Variants in LAT2 observed in about 807,000 individuals in gnomAD.
LAT2 encodes linker for activation of T cells family member 2, also known as linker for activation of T-cells family member 2.
Under a neutral mutation model 43.4 loss-of-function variants are expected in LAT2, and 23 were observed. The observed-to-expected ratio is 0.53, with a 90% CI of 0.38 to 0.75. The LOEUF (loss-of-function observed/expected upper bound fraction) is 0.75. LAT2 is among the 30% of genes least tolerant of loss of function. LAT2 has a pLI of 0.00. For synonymous variants in LAT2, 128 were observed against 123.2 expected (o/e 1.04, Z -0.26); for missense variants, 284 against 310.2 (o/e 0.92, Z 0.64).
At chr7:74,219,502 C>T (rs1415679956) in intron 4 of LAT2, among the ~76,000 whole-genome samples, 4 of 152,224 alleles carry the variant, frequency 2.6e-5, no homozygotes, top group South Asian at 2.1e-4. Context: ...GGCTGAGAGC[C>T]GGGCTCCAGC....
intron 3 of LAT2, among the ~76,000 whole-genome samples, 183 bp downstream of exon 3, chr7:74,216,252 G>C (rs782106688): frequency 1.2e-4 from 18 of 152,206 alleles, no homozygotes; most frequent in Non-Finnish European, 1.9e-4. Flanking sequence ...CTTTGGCTTT[G>C]CTGGGTCAAC....
At chr7:74,224,935 C>T in intron 13 of LAT2, 175 bp downstream of exon 13, 2 of 521,030 alleles carry the variant, frequency 3.8e-6, no homozygotes, top group South Asian at 2.2e-5. Flanking sequence ...TTCCTCTGTT[C>T]TGGCCAGGGG....
rs782591987 is a variant in LAT2 at position 74,220,570 on chromosome 7, G to T, written c.266-14G>T. The T allele has an allele frequency of 6.2e-7, 1 of 1,613,880 alleles. No homozygotes were observed. Among genetic ancestry groups the T allele is most frequent in the African/African-American group, 1.3e-5 (1 of 74,934 alleles). ...GGCCAGGGGAGAAAGCAATTAGCTG[G>T]GTCTTTCTTCCAGATCCAGCATCTT... On this transcript the variant is annotated splice_polypyrimidine_tract_variant and intron_variant, in intron 7 of 13. Coordinates refer to ENST00000460943, the MANE Select transcript of LAT2 (RefSeq NM_032464.3). This position sits in a 1 kb window ranked among gnomAD's most constrained non-coding sequence, Gnocchi z 4.5.
chr7:74,226,012 T>G (rs928369978), intron 13 of LAT2: 1 of 152,216 alleles, frequency 6.6e-6, no homozygotes, highest in African/African-American at 2.4e-5. Context: ...AGAAAACAGA[T>G]AGGGCTGGAC....
Position 74,221,533 on chromosome 7 carries a change from G to A in LAT2, c.333-104G>A, listed in dbSNP as rs965110736. 23 of 734,812 alleles carry A rather than the reference G, an allele frequency of 3.1e-5. No individual in the cohort carries two copies. In the African/African-American group the frequency reaches 3.3e-4, roughly 10 times the overall value. 45.5% of individuals were successfully genotyped at this position (734,812 alleles called of 1,614,324 possible). On this transcript the variant is annotated intron_variant, in intron 9 of 13. Coordinates refer to ENST00000460943, the MANE Select transcript of LAT2 (RefSeq NM_032464.3). ...GGCAGACCCCCATGGCCCCCAAGAGGAGCAATGGTGGGAGCAGCCCTGGCC... is the reference window on the plus strand; with the variant it reads ...GGCAGACCCCCATGGCCCCCAAGAGAAGCAATGGTGGGAGCAGCCCTGGCC...
At position 74,220,339 on chromosome 7, in the gene LAT2, C is replaced by A; in HGVS notation, c.265+85C>A. Reference sequence around the variant, plus strand: ...AAAACCCCATGGGACAGGCGTCGTGCAGTGGGGGCTGCGGGGCCAGGCGAG... The same window carrying A: ...AAAACCCCATGGGACAGGCGTCGTGAAGTGGGGGCTGCGGGGCCAGGCGAG... On this transcript the variant is annotated intron_variant, in intron 7 of 13. Coordinates refer to ENST00000460943, the MANE Select transcript of LAT2 (RefSeq NM_032464.3). This position sits in a 1 kb window ranked among gnomAD's most constrained non-coding sequence, Gnocchi z 4.5. The A allele has an allele frequency of 6.8e-7, 1 of 1,473,448 alleles. No homozygotes were observed. Among genetic ancestry groups the A allele is most frequent in the Non-Finnish European group, 9.3e-7 (1 of 1,070,326 alleles). 91.3% of individuals were successfully genotyped at this position (1,473,448 alleles called of 1,614,324 possible). A position where few individuals can be genotyped will look rare whatever the true frequency, so the allele number is the denominator to read the frequency against.
At chr7:74,219,926 G>A in intron 5 of LAT2, 34 bp from the exon 6 acceptor site, 3 of 1,612,306 alleles carry the variant, frequency 1.9e-6, no homozygotes, top group East Asian at 2.2e-5. Flanking sequence ...CTAGCTGGGG[G>A]CCCAGCCAAC....
chr7:74,222,400 CAAA>C (rs782642560), intron 10 of LAT2, among the ~76,000 whole-genome samples: 1 of 129,926 alleles, frequency 7.7e-6, no homozygotes. Flanking sequence ...GACTCCATCT[CAAA>C]AAAAAAAAAA....
chr7:74,211,897 C>T (rs1459541936), intron 1 of LAT2, among the ~76,000 whole-genome samples: 1 of 152,018 alleles, frequency 6.6e-6, no homozygotes, highest in Non-Finnish European at 1.5e-5. Flanking sequence ...CGGCCAACAG[C>T]GCAGGATGTA....
Position 74,220,926 on chromosome 7 carries a change from T to C in LAT2, c.332+192T>C, listed in dbSNP as rs1430769741. Reference sequence around the variant, plus strand: ...CTGGCAGGCAGGCATTGGGCGACACTGTTGTCTCTTAGGTAACCCTGGGTT... The same window carrying C: ...CTGGCAGGCAGGCATTGGGCGACACCGTTGTCTCTTAGGTAACCCTGGGTT... On this transcript the variant is annotated intron_variant, in intron 9 of 13. Coordinates refer to ENST00000460943, the MANE Select transcript of LAT2 (RefSeq NM_032464.3). The surrounding 1 kb of genome is among the most constrained non-coding windows in gnomAD (Gnocchi z 4.5). Among the ~76,000 whole-genome samples the C allele has an allele frequency of 6.6e-6, 1 of 152,126 alleles. No homozygotes were observed. Among genetic ancestry groups the C allele is most frequent in the Non-Finnish European group, 1.5e-5 (1 of 68,016 alleles).
intron 1 of LAT2, among the ~76,000 whole-genome samples, chr7:74,210,839 C>A (rs1801707355): frequency 1.3e-5 from 2 of 152,012 alleles, no homozygotes; most frequent in African/African-American, 4.8e-5. Context: ...AACCAACAGA[C>A]CCCAGAGCAG....
chr7:74,213,705 G>C (rs1198263928), intron 1 of LAT2, among the ~76,000 whole-genome samples: 2 of 152,176 alleles, frequency 1.3e-5, no homozygotes. Context: ...TTACAGGCGT[G>C]AGCCACCACG....
intron 5 of LAT2, 58 bp downstream of exon 5, chr7:74,219,845 A>G (rs907011377): frequency 6.2e-7 from 1 of 1,611,978 alleles, no homozygotes. Context: ...CTATCAAGTT[A>G]TCTCGGTCCC....
intron 12 of LAT2, 128 bp from the exon 13 acceptor site, chr7:74,224,511 C>T (rs1802412244): frequency 2.5e-6 from 2 of 796,204 alleles, no homozygotes; most frequent in Non-Finnish European, 4.2e-6. Flanking sequence ...ACACACACCG[C>T]CAGGACCTGT....
chr7:74,222,544 T>TG lies in LAT2; in HGVS notation c.388+858dup, dbSNP rs369275605. Among the ~76,000 whole-genome samples the TG allele has an allele frequency of 2.1e-3, 318 of 151,812 alleles. 1 individual carries two copies. Among genetic ancestry groups the TG allele is most frequent in the African/African-American group, 7.1e-3 (295 of 41,396 alleles). ...ACCATACTGGGTAGGACCATGGTGT[T>TG]GGGGGGTCCTCTTCTGCCCCCCACC... is the stretch of plus-strand genomic sequence containing the variant. On this transcript the variant is annotated intron_variant, in intron 10 of 13. Coordinates refer to ENST00000460943, the MANE Select transcript of LAT2 (RefSeq NM_032464.3).
At chr7:74,211,702 C>T (rs1801743654) in intron 1 of LAT2, among the ~76,000 whole-genome samples, 1 of 152,112 alleles carries the variant, frequency 6.6e-6, no homozygotes, top group South Asian at 2.1e-4. Context: ...TGTGATCTGC[C>T]TGCCTCGGCC....
rs782164815 is a variant in LAT2 at position 74,224,058 on chromosome 7, C to T, written c.489C>T (p.Asp163=). The change falls in exon 12 of 14, where the codon GAC becomes GAT. Residue 163 remains aspartate, a synonymous_variant. Coordinates refer to ENST00000460943, the MANE Select transcript of LAT2 (RefSeq NM_032464.3). ...QEGIGGLCRG[D]LSLSLALKTG... is the part of the protein sequence containing the mutation. ...GCATAGGTGGCCTCTGCAGAGGGGA[C>T]CTCAGCCTGTCACTGGCCCTGAAGA... 3 of 1,614,064 alleles carry T rather than the reference C, an allele frequency of 1.9e-6. No homozygotes were observed. The highest frequency in any genetic ancestry group is 2.5e-6 in the Non-Finnish European group (3 of 1,180,024).
At chr7:74,227,080 C>T (rs1407612897) in intron 13 of LAT2, among the ~76,000 whole-genome samples, 22 of 147,882 alleles carry the variant, frequency 1.5e-4, no homozygotes, top group Non-Finnish European at 2.8e-4. Flanking sequence ...TCGTTCCTGT[C>T]GCCCAGGCTG....
At chr7:74,218,071 CCT>C (rs1457410992) in intron 4 of LAT2, among the ~76,000 whole-genome samples, 6 of 152,160 alleles carry the variant, frequency 3.9e-5, no homozygotes, top group Non-Finnish European at 5.9e-5. Context: ...CCCCCAGCCC[CCT>C]GATTGATCTT....
Sources: allele counts gnomAD v4.1 joint callset (sites outside exome capture counted in the v4.1 genomes callset), GRCh38; gene constraint gnomAD v4.1.1; non-coding constraint Gnocchi (gnomAD v3.1); transcripts MANE v1.5; gene names NCBI Gene and HGNC (gene_info 2026-07-23, HGNC 2026-07-21).